NIF3L1: variants seen among roughly 807,000 people sequenced by gnomAD.
NIF3L1 encodes the protein NGG1 interacting factor 3 like 1.
In NIF3L1, 26 loss-of-function variants were observed where a neutral mutation model predicts 35.0. That is an observed-to-expected ratio of 0.74 (90% CI 0.54 to 1.03). NIF3L1 has a LOEUF of 1.03. Among genes scored for constraint, NIF3L1 ranks in the 50% least tolerant of loss-of-function variants. NIF3L1 has a pLI of 0.00. For synonymous variants in NIF3L1, 157 were observed against 178.9 expected (o/e 0.88, Z 0.98); for missense variants, 449 against 466.3 (o/e 0.96, Z 0.34).
rs1273888532 is a variant in NIF3L1 at position 200,903,756 on chromosome 2, T to G, written c.*78T>G. Reference sequence around the variant, plus strand: ...AATTTGTAACATGAGTCAGTGGGACTGGTGTGCTTCCAGAGAGTGTCTTCG... The same window carrying G: ...AATTTGTAACATGAGTCAGTGGGACGGGTGTGCTTCCAGAGAGTGTCTTCG... On this transcript the variant is annotated 3_prime_UTR_variant, in exon 7 of 7. Transcript: ENST00000409020. 1 of 1,155,490 alleles carries G rather than the reference T, an allele frequency of 8.7e-7. No individual in the cohort carries two copies. Among genetic ancestry groups the G allele is most frequent in the Admixed American group, 1.7e-5 (1 of 59,140 alleles). The allele number at this position is 1,155,490 out of a possible 1,614,324, so 71.6% of individuals were successfully genotyped here. A position where few individuals can be genotyped will look rare whatever the true frequency, so the allele number is the denominator to read the frequency against.
At chr2:200,903,446 C>T (rs2040441287) in intron 6 of NIF3L1, 48 bp from the exon 7 acceptor site, 1 of 1,488,438 alleles carries the variant, frequency 6.7e-7, no homozygotes, top group Non-Finnish European at 9.4e-7. Flanking sequence ...CCTCATTCCA[C>T]AGATTCCATA....
chr2:200,897,646 A>G (rs1162559432), intron 5 of NIF3L1, among the ~76,000 whole-genome samples: 1 of 152,218 alleles, frequency 6.6e-6, no homozygotes, highest in Non-Finnish European at 1.5e-5. Flanking sequence ...AGCTGGAATC[A>G]TGATTGCTAC....
chr2:200,891,235 G>A (rs898523570), intron 1 of NIF3L1, among the ~76,000 whole-genome samples: 1 of 152,120 alleles, frequency 6.6e-6, no homozygotes, highest in Non-Finnish European at 1.5e-5. Flanking sequence ...GATTACAGGC[G>A]CCCCGCCACA....
chr2:200,903,036 C>G (rs1241088891), intron 6 of NIF3L1, among the ~76,000 whole-genome samples: 1 of 152,204 alleles, frequency 6.6e-6, no homozygotes, highest in Non-Finnish European at 1.5e-5. Flanking sequence ...TAGTCTTACT[C>G]TGTCACCCAG....
At chr2:200,890,954 C>CTT (rs58191528) in intron 1 of NIF3L1, among the ~76,000 whole-genome samples, 51 of 137,006 alleles carry the variant, frequency 3.7e-4, no homozygotes, top group Admixed American at 1.9e-3. Flanking sequence ...TTTAAACATT[C>CTT]TTTTTTTTTT....
intron 6 of NIF3L1, among the ~76,000 whole-genome samples, chr2:200,900,101 G>A (rs929419416): frequency 6.6e-6 from 1 of 152,004 alleles, no homozygotes; most frequent in African/African-American, 2.4e-5. Context: ...AGTGATAAGT[G>A]AACACCCCCT....
At chr2:200,900,873 TA>T (rs1380821687) in intron 6 of NIF3L1, among the ~76,000 whole-genome samples, 1 of 152,228 alleles carries the variant, frequency 6.6e-6, no homozygotes, top group Non-Finnish European at 1.5e-5. Flanking sequence ...TCACCTTGGT[TA>T]CTATGGTTAT....
chr2:200,898,774 T>C (rs2040360540), intron 5 of NIF3L1, among the ~76,000 whole-genome samples: 1 of 152,210 alleles, frequency 6.6e-6, no homozygotes, highest in Non-Finnish European at 1.5e-5. Flanking sequence ...AGGATGCTTT[T>C]TGAGAATAAA....
intron 4 of NIF3L1, 56 bp from the exon 5 acceptor site, chr2:200,897,020 A>G (rs1316087272): frequency 9.6e-6 from 15 of 1,568,718 alleles, no homozygotes; most frequent in Non-Finnish European, 1.1e-5. Context: ...TGATTTTAGC[A>G]TTTGTTGTTT....
intron 4 of NIF3L1, among the ~76,000 whole-genome samples, chr2:200,895,667 A>G (rs1054665186): frequency 6.6e-6 from 1 of 152,212 alleles, no homozygotes; most frequent in African/African-American, 2.4e-5. Flanking sequence ...ATTCTCTAGG[A>G]AGTAATTGAG....
chr2:200,897,317 C>A, intron 5 of NIF3L1, 103 bp downstream of exon 5: 2 of 1,270,034 alleles, frequency 1.6e-6, no homozygotes, highest in Non-Finnish European at 2.2e-6. Flanking sequence ...GTGTTAGCAG[C>A]TCATAGGAGA....
rs557026612 is a variant in NIF3L1 at position 200,889,485 on chromosome 2, G to T, written c.-194G>T. 5.2e-6 allele frequency: 1 copy of T among 193,064 alleles called. No individual in the cohort carries two copies. Among genetic ancestry groups the T allele is most frequent in the Middle Eastern group, 2.4e-3 (1 of 416 alleles). 12.0% of individuals were successfully genotyped at this position (193,064 alleles called of 1,614,324 possible). ...CGGCTGTGATTGTTATCTTGGTGCT[G>T]CAGAGGACAGCAGAAGAGGAGATTG... On this transcript the variant is annotated 5_prime_UTR_variant, in exon 1 of 7. Coordinates refer to ENST00000409020, the MANE Select transcript of NIF3L1 (RefSeq NM_001369441.2).
At chr2:200,903,008 ATTT>A (rs2040433285) in intron 6 of NIF3L1, among the ~76,000 whole-genome samples, 2 of 151,986 alleles carry the variant, frequency 1.3e-5, no homozygotes, top group South Asian at 4.1e-4. Context: ...GATGGATTTT[ATTT>A]TTATATTTTC....
At chr2:200,896,169 C>G (rs1430974600) in intron 4 of NIF3L1, among the ~76,000 whole-genome samples, 1 of 152,122 alleles carries the variant, frequency 6.6e-6, no homozygotes, top group East Asian at 1.9e-4. Context: ...TCTCACCGAG[C>G]ACCTAGGAGG....
chr2:200,899,425 G>A lies in NIF3L1; in HGVS notation c.906G>A (p.Gly302=). 6.2e-7 allele frequency: 1 copy of A among 1,614,094 alleles called. No individual in the cohort carries two copies. Residue 302 remains glycine (G), a synonymous_variant, in exon 6 of 7, where the codon GGG becomes GGA. Transcript: ENST00000409020. ...VKVVALCAGS[G]SSVLQGVEAD... ...TCGTGGCCCTGTGTGCTGGTTCTGG[G>A]AGCAGCGTTCTGCAGGGTGTTGAGG...
At chr2:200,897,988 T>G (rs766727897) in intron 5 of NIF3L1, among the ~76,000 whole-genome samples, 1 of 152,198 alleles carries the variant, frequency 6.6e-6, no homozygotes, top group Non-Finnish European at 1.5e-5. Flanking sequence ...ATGCCCTCTG[T>G]GTCACAGTAG....
chr2:200,902,179 A>C (rs2040418453), intron 6 of NIF3L1, among the ~76,000 whole-genome samples: 1 of 152,212 alleles, frequency 6.6e-6, no homozygotes, highest in Non-Finnish European at 1.5e-5. Context: ...ATACAGTTCA[A>C]AATTGTACTT....
chr2:200,897,003 A>C, intron 4 of NIF3L1, 73 bp from the exon 5 acceptor site: 16 of 1,417,726 alleles, frequency 1.1e-5, no homozygotes, highest in Non-Finnish European at 1.6e-5. Flanking sequence ...CACAGTGTGC[A>C]TGTTGATGAT....
Position 200,892,369 on chromosome 2 carries a change from TA to T in NIF3L1, c.429del (p.Gly146GlufsTer24). On this transcript the variant is annotated frameshift_variant, in exon 2 of 7. Transcript: ENST00000409020. LOFTEE classifies it high-confidence loss of function. ...APQGVNNWLAKGLGACTSRPI... is the reference protein window; with the variant it reads ...APQGVNNWLAXGLGACTSRPI... ...CCCAGGGCGTCAACAACTGGTTGGC[TA>T]AAGGGCTTGGTGAGAAGCCTCTTTC... The T allele has an allele frequency of 6.3e-7, 1 of 1,593,660 alleles. No homozygotes were observed.
Sources: gnomAD v4.1 joint callset for allele counts (sites outside exome capture counted in the v4.1 genomes callset) on GRCh38, gnomAD v4.1.1 for gene constraint, MANE v1.5 for transcripts, NCBI Gene and HGNC (gene_info 2026-07-23, HGNC 2026-07-21) for gene names.